The following TMEM130 variants were observed in gnomAD, a reference collection of about 807,000 sequenced individuals.
TMEM130 encodes transmembrane protein 130.
Under a neutral mutation model 42.9 loss-of-function variants are expected in TMEM130, and 37 were observed. That is an observed-to-expected ratio of 0.86 (90% CI 0.66 to 1.13). TMEM130 has a LOEUF of 1.13. Ranked by LOEUF, TMEM130 falls within the 50% of genes most tolerant of loss-of-function variation. TMEM130 has a pLI of 0.00. For missense variants in TMEM130, 545 were observed against 562.6 expected (o/e 0.97, Z 0.32); for synonymous variants, 259 against 237.7 (o/e 1.09, Z -0.82).
chr7:98,856,311 A>G (rs1554399021), intron 3 of TMEM130, 128 bp from the exon 4 acceptor site: 1 of 885,676 alleles, frequency 1.1e-6, no homozygotes, highest in South Asian at 1.7e-5. Flanking sequence ...CCCAGCTACC[A>G]GTGAGCACAC....
In TMEM130 at chr7:98,869,963, G is replaced by T. The variant is rs1222227536; in HGVS notation, c.-102C>A. On this transcript the variant is annotated 5_prime_UTR_variant, in exon 1 of 8. Coordinates refer to ENST00000339375, the MANE Select transcript of TMEM130 (RefSeq NM_152913.3). This position sits in a 1 kb window ranked among gnomAD's most constrained non-coding sequence, Gnocchi z 4.7. ...CTCCTCCGGGCGCGCAGCGCGGGCG[G>T]TGCGGGGAGGTGCGGGCGCCGTGCT... 3.0e-5 allele frequency: 21 copies of T among 710,544 alleles called. No individual in the cohort carries two copies. The highest frequency in any genetic ancestry group is 4.1e-5 in the Non-Finnish European group (21 of 513,658). The allele number at this position is 710,544 out of a possible 1,614,324, so 44.0% of individuals were successfully genotyped here. A position where few individuals can be genotyped will look rare whatever the true frequency, so the allele number is the denominator to read the frequency against.
rs1794386511 is a variant in TMEM130, at chr7:98,847,559, ACTTCTCTCTGTGAGTGTGCCCAT to A, written c.*474_*496del. On this transcript the variant is annotated 3_prime_UTR_variant, in exon 8 of 8. Coordinates refer to ENST00000339375, the MANE Select transcript of TMEM130 (RefSeq NM_152913.3). Reference sequence around the variant, plus strand: ...GTGTGTGTGGTGTGTGTACATGCACACTTCTCTCTGTGAGTGTGCCCATCTATGTGTACAACCTTTAGTTATGG... The same window carrying A: ...GTGTGTGTGGTGTGTGTACATGCACACTATGTGTACAACCTTTAGTTATGG... 6.5e-6 allele frequency: 1 copy of A among 153,130 alleles called. No homozygotes were observed. The highest frequency in any genetic ancestry group is 1.4e-5 in the Non-Finnish European group (1 of 69,030). 9.5% of individuals were successfully genotyped at this position (153,130 alleles called of 1,614,324 possible). A position where few individuals can be genotyped will look rare whatever the true frequency, so the allele number is the denominator to read the frequency against.
In TMEM130 at chr7:98,869,292, T is replaced by A; in HGVS notation, c.85+485A>T. On this transcript the variant is annotated intron_variant, in intron 1 of 7. Coordinates refer to ENST00000339375, the MANE Select transcript of TMEM130 (RefSeq NM_152913.3). The surrounding 1 kb of genome is among the most constrained non-coding windows in gnomAD (Gnocchi z 4.7). ...TGGCCTCCTGGGCTCTAAATTCGCA[T>A]CTCCCCAAAGCCAGCACCAACACGG... 1 of 1,286,842 alleles carries A rather than the reference T, an allele frequency of 7.8e-7. No individual in the cohort carries two copies. Among genetic ancestry groups the A allele is most frequent in the South Asian group, 1.2e-5 (1 of 80,646 alleles). The allele number at this position is 1,286,842 out of a possible 1,614,324, so 79.7% of individuals were successfully genotyped here.
chr7:98,863,622 C>T (rs1794838583), intron 1 of TMEM130, among the ~76,000 whole-genome samples: 1 of 150,498 alleles, frequency 6.6e-6, no homozygotes, highest in African/African-American at 2.5e-5. Flanking sequence ...CCCTTCCTTC[C>T]TTCCCTCCCT....
intron 3 of TMEM130, among the ~76,000 whole-genome samples, chr7:98,859,367 C>T (rs10280678): frequency 9.1e-4 from 139 of 152,316 alleles, no homozygotes; most frequent in African/African-American, 3.2e-3. Flanking sequence ...CAAGGGTTGG[C>T]TGGGTACCCT....
At position 98,862,305 on chromosome 7, in the gene TMEM130, A is replaced by AG. The variant is rs1794791279; in HGVS notation, c.391+789_391+790insC. Among the ~76,000 whole-genome samples, 6 of 32,852 alleles carry AG rather than the reference A, an allele frequency of 1.8e-4. No individual in the cohort carries two copies. In the South Asian group the frequency reaches 5.5e-3, roughly 30 times the overall value. The allele number at this position is 32,852 out of a possible 152,430, so 21.6% of individuals were successfully genotyped here. A position where few individuals can be genotyped will look rare whatever the true frequency, so the allele number is the denominator to read the frequency against. On this transcript the variant is annotated intron_variant, in intron 2 of 7. Transcript: ENST00000339375. The stretch of plus-strand genomic sequence containing the variant: ...CAAAGAGACAGAGACAGAAAGAGAC[A>AG]AAGAGACAGAGAACAGAAAGAGCAA...
rs144982521 is a variant in TMEM130 at position 98,851,600 on chromosome 7, C to T, written c.827G>A (p.Arg276His). 7.6e-5 allele frequency: 123 copies of T among 1,612,924 alleles called. No homozygotes were observed. Among genetic ancestry groups the T allele is most frequent in the East Asian group, 6.9e-4 (31 of 44,840 alleles). Residue 276 changes from arginine (R) to histidine (H), a missense_variant, in exon 6 of 8, where the codon CGT (arginine) becomes CAT (histidine). Transcript: ENST00000339375. ...CAGCGGGAGGCACTCAGGCTTGAGA[C>T]GCCAGCACACAGTCAGAGGAGGGCT... ...LGSPPLTVCW[R>H]LKPECLPLEE...
chr7:98,853,836 T>C (rs1554398571), intron 5 of TMEM130, among the ~76,000 whole-genome samples: 11 of 152,188 alleles, frequency 7.2e-5, no homozygotes, highest in Non-Finnish European at 1.5e-5. Flanking sequence ...GAGAATCCCC[T>C]GGAATGATCT....
chr7:98,860,117 A>T, intron 3 of TMEM130, 62 bp downstream of exon 3: 1 of 1,508,952 alleles, frequency 6.6e-7, no homozygotes, highest in South Asian at 1.3e-5. Flanking sequence ...TACCCTGCAC[A>T]GTGCGCGGGA....
At chr7:98,849,089 C>A (rs189655839) in intron 6 of TMEM130, among the ~76,000 whole-genome samples, 79 of 152,314 alleles carry the variant, frequency 5.2e-4, no homozygotes, top group South Asian at 2.3e-3. Flanking sequence ...TCTCGGGTGA[C>A]ACACTTTTGG....
At chr7:98,863,879 T>C (rs994168045) in intron 1 of TMEM130, among the ~76,000 whole-genome samples, 16 of 146,760 alleles carry the variant, frequency 1.1e-4, no homozygotes, top group Admixed American at 2.1e-4. Flanking sequence ...CCTTTCTTCC[T>C]CTCTCTCTCT....
At position 98,869,534 on chromosome 7, in the gene TMEM130, G is replaced by A. The variant is rs1162045399; in HGVS notation, c.85+243C>T. ...TTTCCAGGGCAGGGCCAGCCTGGGG[G>A]GGTGGAAGCAGGAATCCAGGGGGTG... On this transcript the variant is annotated intron_variant, in intron 1 of 7. Coordinates refer to ENST00000339375, the MANE Select transcript of TMEM130 (RefSeq NM_152913.3). This position sits in a 1 kb window ranked among gnomAD's most constrained non-coding sequence, Gnocchi z 4.7. Among the ~76,000 whole-genome samples the A allele has an allele frequency of 6.6e-6, 1 of 152,224 alleles. No homozygotes were observed. Among genetic ancestry groups the A allele is most frequent in the Non-Finnish European group, 1.5e-5 (1 of 68,034 alleles).
In TMEM130 at chr7:98,869,154, G is replaced by C. The variant is rs1794971561; in HGVS notation, c.85+623C>G. 1 of 1,270,310 alleles carries C rather than the reference G, an allele frequency of 7.9e-7. No individual in the cohort carries two copies. The highest frequency in any genetic ancestry group is 2.5e-5 in the Admixed American group (1 of 39,862). 78.7% of individuals were successfully genotyped at this position (1,270,310 alleles called of 1,614,324 possible). On this transcript the variant is annotated intron_variant, in intron 1 of 7. Coordinates refer to ENST00000339375, the MANE Select transcript of TMEM130 (RefSeq NM_152913.3). The surrounding 1 kb of genome is among the most constrained non-coding windows in gnomAD (Gnocchi z 4.7). ...GGCTTTCTGGCGGTGGGGAAGTGGG[G>C]GCAGTAGACACACAACCCTGCTTCC...
At position 98,846,807 on chromosome 7, in the gene TMEM130, G is replaced by T. The variant is rs1227739378; in HGVS notation, c.*1249C>A. On this transcript the variant is annotated 3_prime_UTR_variant, in exon 8 of 8. Transcript: ENST00000339375. ...CACCTCGGGAGCAGCTGGCAGGCAAGAATGCCCCCCTCACACACAGGGAAC... is the reference window on the plus strand; with the variant it reads ...CACCTCGGGAGCAGCTGGCAGGCAATAATGCCCCCCTCACACACAGGGAAC... 6.6e-6 allele frequency: 1 copy of T among 151,980 alleles called. No homozygotes were observed. Among genetic ancestry groups the T allele is most frequent in the Non-Finnish European group, 1.5e-5 (1 of 68,102 alleles). 9.4% of individuals were successfully genotyped at this position (151,980 alleles called of 1,614,324 possible). A position where few individuals can be genotyped will look rare whatever the true frequency, so the allele number is the denominator to read the frequency against.
chr7:98,862,283 A>G (rs996964359), intron 2 of TMEM130, among the ~76,000 whole-genome samples: 2 of 83,202 alleles, frequency 2.4e-5, no homozygotes, highest in Admixed American at 1.3e-4. Context: ...ACAGAGACAA[A>G]GAGACAGAGA....
intron 6 of TMEM130, among the ~76,000 whole-genome samples, chr7:98,849,213 G>A (rs782498277): frequency 2.0e-5 from 3 of 152,184 alleles, no homozygotes; most frequent in Non-Finnish European, 2.9e-5. Flanking sequence ...GAAATGGTAT[G>A]GTAGAAAGAG....
At chr7:98,859,863 C>T (rs1162055389) in intron 3 of TMEM130, among the ~76,000 whole-genome samples, 4 of 151,808 alleles carry the variant, frequency 2.6e-5, no homozygotes, top group African/African-American at 9.7e-5. Context: ...CTAGCCTGGC[C>T]AACATGGTGA....
At chr7:98,857,484 G>A (rs893384399) in intron 3 of TMEM130, among the ~76,000 whole-genome samples, 4 of 152,078 alleles carry the variant, frequency 2.6e-5, no homozygotes, top group African/African-American at 9.7e-5. Flanking sequence ...AGGACTGCTT[G>A]AGCCCAGAAG....
Position 98,862,888 on chromosome 7 carries a change from C to T in TMEM130, c.391+207G>A, listed in dbSNP as rs1001881044. The stretch of plus-strand genomic sequence containing the variant: ...AATGTATACCCTCAGCAGCAATAGG[C>T]GTCCCTTTTAGCACAATACCTCCTG... On this transcript the variant is annotated intron_variant, in intron 2 of 7. Coordinates refer to ENST00000339375, the MANE Select transcript of TMEM130 (RefSeq NM_152913.3). 7.2e-5 allele frequency among the ~76,000 whole-genome samples: 11 copies of T among 152,282 alleles called. No homozygotes were observed. The East Asian group carries it at 1.5e-3, about 21-fold the overall frequency.
Sources: gnomAD v4.1 joint callset for allele counts (sites outside exome capture counted in the v4.1 genomes callset) on GRCh38, gnomAD v4.1.1 for gene constraint, Gnocchi (gnomAD v3.1) non-coding constraint, MANE v1.5 for transcripts, NCBI Gene and HGNC (gene_info 2026-07-23, HGNC 2026-07-21) for gene names.